The following BCAS3 variants were observed in gnomAD, a reference collection of about 807,000 sequenced individuals.
BCAS3 encodes BCAS4/BCAS3 fusion.
Under a neutral mutation model 116.1 loss-of-function variants are expected in BCAS3, and 53 were observed. That is an observed-to-expected ratio of 0.46 (90% CI 0.37 to 0.57). BCAS3 has a LOEUF of 0.57. Among genes scored for constraint, BCAS3 ranks in the 20% least tolerant of loss-of-function variants. The probability of loss-of-function intolerance (pLI) is 0.00; values close to 1 mark genes in which losing one functional copy is unlikely to be tolerated. For synonymous variants in BCAS3, 391 were observed against 408.2 expected (o/e 0.96, Z 0.51); for missense variants, 917 against 1,165.4 (o/e 0.79, Z 3.10).
chr17:61,046,001 AAT>A (rs1382646475), intron 19 of BCAS3, among the ~76,000 whole-genome samples: 13 of 9,344 alleles, frequency 1.4e-3, no homozygotes, highest in East Asian at 8.2e-3. Flanking sequence ...ATATATATAT[AAT>A]ATATATATTT....
intron 14 of BCAS3, among the ~76,000 whole-genome samples, chr17:60,986,362 G>A (rs2063142436): frequency 6.6e-6 from 1 of 152,052 alleles, no homozygotes; most frequent in Non-Finnish European, 1.5e-5. Context: ...TACCTAGCAG[G>A]GGAATTGCTG....
chr17:61,069,741 G>A, intron 19 of BCAS3: 1 of 605,212 alleles, frequency 1.7e-6, no homozygotes, highest in Non-Finnish European at 2.9e-6. Context: ...AGGAGGCTGA[G>A]GTGGGAGGAT....
intron 22 of BCAS3, among the ~76,000 whole-genome samples, chr17:61,108,352 G>T (rs2074813416): frequency 6.6e-6 from 1 of 151,992 alleles, no homozygotes; most frequent in South Asian, 2.1e-4. Context: ...ACATATAGTT[G>T]AGTCATGTGT....
intron 7 of BCAS3, chr17:60,811,099 T>C (rs2048771302): frequency 3.2e-6 from 2 of 632,094 alleles, no homozygotes; most frequent in Non-Finnish European, 5.9e-6. Context: ...TGACCTGGAC[T>C]GCATGAGAAA....
At chr17:61,190,707 G>A (rs957171808) in intron 22 of BCAS3, among the ~76,000 whole-genome samples, 1 of 151,678 alleles carries the variant, frequency 6.6e-6, no homozygotes, top group Non-Finnish European at 1.5e-5. Flanking sequence ...GGGTTCAAGC[G>A]ATTCTCCTGC....
In BCAS3 at chr17:61,338,687, C is replaced by T. The variant is rs528631525; in HGVS notation, c.2426-29640C>T. Among the ~76,000 whole-genome samples the T allele has an allele frequency of 3.9e-5, 6 of 152,170 alleles. No homozygotes were observed. In the South Asian group the frequency reaches 1.2e-3, roughly 32 times the overall value. ...AGAAGGCTGTCCCAGGGGTGGGAGGCTGCCCATCACTGTTGGATCTGGCAG... is the reference window on the plus strand; with the variant it reads ...AGAAGGCTGTCCCAGGGGTGGGAGGTTGCCCATCACTGTTGGATCTGGCAG... On this transcript the variant is annotated intron_variant, in intron 22 of 23. Transcript: ENST00000407086.
chr17:60,765,391 G>C (rs1318197497), intron 6 of BCAS3, among the ~76,000 whole-genome samples: 2 of 152,136 alleles, frequency 1.3e-5, no homozygotes. Context: ...GCCTGGTGGT[G>C]ACAAAATCTC....
chr17:60,868,790 C>A, intron 8 of BCAS3, 107 bp downstream of exon 8: 1 of 576,534 alleles, frequency 1.7e-6, no homozygotes, highest in Non-Finnish European at 2.9e-6. Flanking sequence ...TTTTAAAAAT[C>A]TCAAGGAAAC....
intron 22 of BCAS3, among the ~76,000 whole-genome samples, chr17:61,207,509 T>G (rs1203878162): frequency 1.3e-5 from 2 of 152,082 alleles, no homozygotes; most frequent in Non-Finnish European, 2.9e-5. Context: ...CTCCTGAAGC[T>G]GTGCTCCTAA....
rs2076825462 is a variant in BCAS3 at position 61,139,804 on chromosome 17, T to C, written c.2425+55240T>C. On this transcript the variant is annotated intron_variant, in intron 22 of 23. Coordinates refer to ENST00000407086, the MANE Select transcript of BCAS3 (RefSeq NM_017679.5). The surrounding 1 kb of genome is among the most constrained non-coding windows in gnomAD (Gnocchi z 4.7). The stretch of plus-strand genomic sequence containing the variant: ...TAAGGCAGATGGAGTTCTCTCAGAA[T>C]GCAAAGAAAGGTAAAATTTGTTGTA... 6.6e-6 allele frequency among the ~76,000 whole-genome samples: 1 copy of C among 152,144 alleles called. No homozygotes were observed.
chr17:61,329,263 T>C (rs1050236689), intron 22 of BCAS3, among the ~76,000 whole-genome samples: 34 of 151,692 alleles, frequency 2.2e-4, no homozygotes, highest in African/African-American at 8.2e-4. Flanking sequence ...CACCGCCAAA[T>C]ACCAAAACAT....
chr17:60,907,680 A>AT (rs1255308492), intron 11 of BCAS3, among the ~76,000 whole-genome samples: 1 of 152,182 alleles, frequency 6.6e-6, no homozygotes, highest in Non-Finnish European at 1.5e-5. Context: ...TTTAATGAAC[A>AT]TTTTTATGTA....
chr17:61,037,132 G>C lies in BCAS3; in HGVS notation c.1763-757G>C, dbSNP rs1351955187. ...TAAGTTCTAAATTTAAGTCTTCTGAGAAAAAAAATAGATGAGACATTAGGC... is the reference window on the plus strand; with the variant it reads ...TAAGTTCTAAATTTAAGTCTTCTGACAAAAAAAATAGATGAGACATTAGGC... On this transcript the variant is annotated intron_variant, in intron 17 of 23. Transcript: ENST00000407086. This position sits in a 1 kb window ranked among gnomAD's most constrained non-coding sequence, Gnocchi z 4.7. Among the ~76,000 whole-genome samples the C allele has an allele frequency of 2.6e-5, 4 of 151,756 alleles. No individual in the cohort carries two copies. The highest frequency in any genetic ancestry group is 4.4e-5 in the Non-Finnish European group (3 of 67,948).
At position 61,337,461 on chromosome 17, in the gene BCAS3, G is replaced by T. The variant is rs1375606196; in HGVS notation, c.2426-30866G>T. Among the ~76,000 whole-genome samples, 2 of 152,054 alleles carry T rather than the reference G, an allele frequency of 1.3e-5. No individual in the cohort carries two copies. The highest frequency in any genetic ancestry group is 2.9e-5 in the Non-Finnish European group (2 of 68,028). On this transcript the variant is annotated intron_variant, in intron 22 of 23. Coordinates refer to ENST00000407086, the MANE Select transcript of BCAS3 (RefSeq NM_017679.5). The surrounding 1 kb of genome is among the most constrained non-coding windows in gnomAD (Gnocchi z 4.8). ...CAGCTTGCAGCCTCTAGGAGGAGACGCTTGGCTTTGCCCACAGCCCTCGGC... is the reference window on the plus strand; with the variant it reads ...CAGCTTGCAGCCTCTAGGAGGAGACTCTTGGCTTTGCCCACAGCCCTCGGC...
rs189329687 is a variant in BCAS3 at position 61,068,291 on chromosome 17, C to G, written c.2030-6629C>G. Among the ~76,000 whole-genome samples, 47 of 152,232 alleles carry G rather than the reference C, an allele frequency of 3.1e-4. No individual in the cohort carries two copies. Among genetic ancestry groups the G allele is most frequent in the Admixed American group, 8.5e-4 (13 of 15,292 alleles). ...GAAAGGTGGAAAAATTAATCTCAAT[C>G]AATTATACCACCTCCAAAGTTACAT... On this transcript the variant is annotated intron_variant, in intron 19 of 23. Coordinates refer to ENST00000407086, the MANE Select transcript of BCAS3 (RefSeq NM_017679.5). This position sits in a 1 kb window ranked among gnomAD's most constrained non-coding sequence, Gnocchi z 4.3.
chr17:61,287,517 G>C (rs1358489179), intron 22 of BCAS3, among the ~76,000 whole-genome samples: 5 of 152,088 alleles, frequency 3.3e-5, no homozygotes, highest in African/African-American at 1.2e-4. Context: ...CTTGAGCCCA[G>C]GAGTTCAAGA....
intron 5 of BCAS3, 75 bp downstream of exon 5, chr17:60,709,400 T>C (rs1446905714): frequency 1.1e-6 from 1 of 950,558 alleles, no homozygotes; most frequent in Admixed American, 2.2e-5. Flanking sequence ...GTAGATACTT[T>C]TTTTTTTTGA....
chr17:60,714,360 T>A (rs1375530061), intron 5 of BCAS3, among the ~76,000 whole-genome samples: 3 of 152,152 alleles, frequency 2.0e-5, no homozygotes, highest in African/African-American at 7.2e-5. Context: ...TGCTCAGGAC[T>A]CCCTCTTGTT....
At chr17:60,781,223 G>A (rs554374718) in intron 6 of BCAS3, among the ~76,000 whole-genome samples, 17 of 151,732 alleles carry the variant, frequency 1.1e-4, no homozygotes, top group African/African-American at 3.4e-4. Flanking sequence ...CCCCGCCTCA[G>A]CCTCCCAAAG....
Sources: allele counts gnomAD v4.1 joint callset (sites outside exome capture counted in the v4.1 genomes callset), GRCh38; gene constraint gnomAD v4.1.1; non-coding constraint Gnocchi (gnomAD v3.1); transcripts MANE v1.5; gene names NCBI Gene and HGNC (gene_info 2026-07-23, HGNC 2026-07-21).